The following TXK variants were observed in gnomAD, a reference collection of about 807,000 sequenced individuals.
TXK encodes TXK tyrosine kinase.
In TXK, 60 loss-of-function variants were observed where a neutral mutation model predicts 81.0. The observed-to-expected ratio is 0.74, with a 90% confidence interval of 0.60 to 0.92. TXK has a LOEUF of 0.92. Among genes scored for constraint, TXK ranks in the 40% least tolerant of loss-of-function variants. The probability of loss-of-function intolerance (pLI) is 0.00; values close to 1 mark genes in which losing one functional copy is unlikely to be tolerated. For missense variants in TXK, 581 were observed against 638.3 expected (o/e 0.91, Z 0.97); for synonymous variants, 203 against 210.7 (o/e 0.96, Z 0.32).
chr4:48,097,629 G>C (rs577302064), intron 6 of TXK, among the ~76,000 whole-genome samples: 1 of 151,782 alleles, frequency 6.6e-6, no homozygotes, highest in South Asian at 2.1e-4. Context: ...GTAGAGGCAG[G>C]GTTTCATCAT....
At chr4:48,095,469 A>C (rs1717947491) in intron 6 of TXK, among the ~76,000 whole-genome samples, 2 of 152,202 alleles carry the variant, frequency 1.3e-5, no homozygotes, top group Non-Finnish European at 2.9e-5. Context: ...GAATACTGTT[A>C]CTGATTTTTC....
intron 6 of TXK, among the ~76,000 whole-genome samples, chr4:48,098,421 T>C (rs894679277): frequency 2.6e-5 from 4 of 152,226 alleles, no homozygotes; most frequent in Non-Finnish European, 4.4e-5. Context: ...GCAAAAGTAA[T>C]TGTGTTTTTT....
intron 6 of TXK, among the ~76,000 whole-genome samples, chr4:48,097,060 G>A (rs1209826842): frequency 2.0e-5 from 3 of 151,692 alleles, no homozygotes. Context: ...AAATCAAGTA[G>A]AAGAAATAAA....
chr4:48,108,990 T>C (rs1718546357), intron 5 of TXK, among the ~76,000 whole-genome samples: 1 of 152,116 alleles, frequency 6.6e-6, no homozygotes, highest in Non-Finnish European at 1.5e-5. Flanking sequence ...GCTTGTAAAA[T>C]CCAAATTATA....
At chr4:48,113,161 AG>A in intron 3 of TXK, 45 bp downstream of exon 3, 2 of 1,459,250 alleles carry the variant, frequency 1.4e-6, no homozygotes, top group Non-Finnish European at 1.9e-6. Flanking sequence ...GACTCTAAAA[AG>A]ACAACCTTCT....
intron 14 of TXK, among the ~76,000 whole-genome samples, chr4:48,071,006 TCTC>T (rs1182271367): frequency 1.3e-5 from 2 of 150,122 alleles, no homozygotes; most frequent in South Asian, 2.1e-4. Context: ...TCAAGATTCT[TCTC>T]CTGCTTCAGC....
intron 5 of TXK, 117 bp from the exon 6 acceptor site, chr4:48,105,072 G>T: frequency 3.1e-6 from 2 of 638,340 alleles, no homozygotes; most frequent in South Asian, 4.7e-5. Context: ...AAAGTTGAGT[G>T]TTTTTTTAAA....
At chr4:48,127,701 C>A (rs1443024558) in intron 1 of TXK, among the ~76,000 whole-genome samples, 1 of 152,240 alleles carries the variant, frequency 6.6e-6, no homozygotes. Flanking sequence ...CAGTAAATAT[C>A]TCTAATGATG....
In TXK at chr4:48,076,993, A is replaced by AT. The variant is rs1042041204; in HGVS notation, c.1174-528dup. The stretch of plus-strand genomic sequence containing the variant: ...ATGAATCTTGGCATAAAAATAGTGT[A>AT]TTTTTTTTAACATCTTTATAGGAAA... On this transcript the variant is annotated intron_variant, in intron 11 of 14. Coordinates refer to ENST00000264316, the MANE Select transcript of TXK (RefSeq NM_003328.3). 7.2e-5 allele frequency among the ~76,000 whole-genome samples: 11 copies of AT among 152,030 alleles called. No homozygotes were observed. The South Asian group carries it at 8.3e-4, about 11-fold the overall frequency.
intron 1 of TXK, among the ~76,000 whole-genome samples, chr4:48,118,878 A>T (rs1718879507): frequency 6.6e-6 from 1 of 152,162 alleles, no homozygotes; most frequent in Non-Finnish European, 1.5e-5. Context: ...ACAAGAGAAA[A>T]CTTGACATAC....
rs533510595 is a variant in TXK, at chr4:48,129,679, C to G, written c.16+4476G>C. On this transcript the variant is annotated intron_variant, in intron 1 of 14. Transcript: ENST00000264316. ...GCCAGGGCAACTCCCCAGACACGGA[C>G]AGCAGCCACCCAAACCCTTGTTTGG... is the stretch of plus-strand genomic sequence containing the variant. 5.2e-4 allele frequency among the ~76,000 whole-genome samples: 79 copies of G among 152,350 alleles called. No individual in the cohort carries two copies. The South Asian group carries it at 0.016, about 31-fold the overall frequency.
intron 1 of TXK, among the ~76,000 whole-genome samples, chr4:48,123,633 G>A (rs1719012655): frequency 6.6e-6 from 1 of 152,174 alleles, no homozygotes; most frequent in Admixed American, 6.5e-5. Flanking sequence ...TGAAGTAGAT[G>A]CCGTTTTACA....
intron 11 of TXK, among the ~76,000 whole-genome samples, chr4:48,079,378 G>C (rs1413004097): frequency 6.6e-6 from 1 of 152,140 alleles, no homozygotes; most frequent in Non-Finnish European, 1.5e-5. Flanking sequence ...ATATTTTGCA[G>C]ACCCTGCACT....
At chr4:48,084,663 C>A (rs1210575693) in intron 10 of TXK, among the ~76,000 whole-genome samples, 1 of 152,136 alleles carries the variant, frequency 6.6e-6, no homozygotes. Flanking sequence ...CACCTAGGGA[C>A]CCAAAAACAT....
In TXK at chr4:48,089,960, C is replaced by T. The variant is rs145460455; in HGVS notation, c.710-136G>A. 8.3e-4 allele frequency: 468 copies of T among 562,380 alleles called. 3 individuals carry two copies. In the East Asian group the frequency reaches 0.013, roughly 16 times the overall value. The allele number at this position is 562,380 out of a possible 1,614,324, so 34.8% of individuals were successfully genotyped here. ...ATTCTACCAGTTAGTCAGCAGTTTG[C>T]TTATTTTCCCACATTTTCCAAAAAA... On this transcript the variant is annotated intron_variant, in intron 8 of 14. Coordinates refer to ENST00000264316, the MANE Select transcript of TXK (RefSeq NM_003328.3).
chr4:48,104,863 C>T, intron 6 of TXK, 38 bp downstream of exon 6: 1 of 1,528,182 alleles, frequency 6.5e-7, no homozygotes. Context: ...AAGTACTTCT[C>T]AGAGATTTTG....
chr4:48,112,576 G>T, intron 3 of TXK, 64 bp from the exon 4 acceptor site: 1 of 1,491,212 alleles, frequency 6.7e-7, no homozygotes, highest in Non-Finnish European at 9.0e-7. Flanking sequence ...AAAAATATAG[G>T]GACAAAGCAT....
chr4:48,080,101 T>C lies in TXK; in HGVS notation c.984A>G (p.Gln328=). 1.2e-6 allele frequency: 2 copies of C among 1,613,814 alleles called. No homozygotes were observed. Among genetic ancestry groups the C allele is most frequent in the Non-Finnish European group, 1.7e-6 (2 of 1,179,742 alleles). Residue 328 remains glutamine (Q), a synonymous_variant, in exon 11 of 15, where the codon CAA becomes CAG. Coordinates refer to ENST00000264316, the MANE Select transcript of TXK (RefSeq NM_003328.3). ...TCCGCTGTATACAGACTCCATAAAG[T>C]TGCACTAGCTTTGAATGAGATAATT... ...MMKLSHSKLV[Q]LYGVCIQRKP...
chr4:48,127,175 A>G (rs1719110600), intron 1 of TXK, among the ~76,000 whole-genome samples: 1 of 152,222 alleles, frequency 6.6e-6, no homozygotes, highest in Admixed American at 6.5e-5. Flanking sequence ...TTGCTGCCCA[A>G]TAAATAATCA....
Sources: gnomAD v4.1 joint callset for allele counts (sites outside exome capture counted in the v4.1 genomes callset) on GRCh38, gnomAD v4.1.1 for gene constraint, MANE v1.5 for transcripts, NCBI Gene and HGNC (gene_info 2026-07-23, HGNC 2026-07-21) for gene names.